The following MALRD1 variants were observed in gnomAD, a reference collection of about 807,000 sequenced individuals.
MALRD1 encodes the protein MAM and LDL receptor class A domain containing 1, also known as MAM and LDL-receptor class A domain-containing protein 1.
MALRD1 carries 247 observed loss-of-function variants against 242.1 expected under a neutral mutation model. The ratio of observed to expected loss-of-function variants is 1.02; its 90% CI spans 0.92 to 1.13. The LOEUF (loss-of-function observed/expected upper bound fraction) is 1.13. Among genes scored for constraint, MALRD1 ranks in the 50% most tolerant of loss-of-function variants. The pLI is 0.00. For missense variants in MALRD1, 2,989 were observed against 2,533.1 expected (o/e 1.18, Z -3.86); for synonymous variants, 995 against 866.6 (o/e 1.15, Z -2.60).
chr10:19,140,813 G>A (rs1410259228), intron 10 of MALRD1, among the ~76,000 whole-genome samples: 2 of 152,094 alleles, frequency 1.3e-5, no homozygotes, highest in East Asian at 1.9e-4. Flanking sequence ...GGAGGTATTG[G>A]TCAAAAGATA....
chr10:19,425,356 G>A lies in MALRD1; in HGVS notation c.4846-24951G>A, dbSNP rs78641911. Reference sequence around the variant, plus strand: ...TTCATCATCAGTGAGTCAGCCCTGTGGAAAAAATGGTCTCCAGTGACTATT... The same window carrying A: ...TTCATCATCAGTGAGTCAGCCCTGTAGAAAAAATGGTCTCCAGTGACTATT... On this transcript the variant is annotated intron_variant, in intron 28 of 39. Coordinates refer to ENST00000454679, the MANE Select transcript of MALRD1 (RefSeq NM_001142308.3). Among the ~76,000 whole-genome samples the A allele has an allele frequency of 8.3e-3, 1,263 of 152,154 alleles. 21 individuals carry two copies. The highest frequency in any genetic ancestry group is 0.029 in the African/African-American group (1,213 of 41,512).
intron 32 of MALRD1, among the ~76,000 whole-genome samples, chr10:19,566,282 C>A (rs1253291178): frequency 6.6e-6 from 1 of 150,670 alleles, no homozygotes; most frequent in Non-Finnish European, 1.5e-5. Context: ...CGGGCACCTG[C>A]CACCATGCCT....
intron 26 of MALRD1, among the ~76,000 whole-genome samples, chr10:19,357,235 T>C (rs960740912): frequency 1.3e-5 from 2 of 152,146 alleles, no homozygotes; most frequent in Admixed American, 1.3e-4. Flanking sequence ...TTTTACCCAA[T>C]GTATCTGAAA....
Position 19,313,469 on chromosome 10 carries a change from C to A in MALRD1, c.3420-10480C>A, listed in dbSNP as rs143925486. Among the ~76,000 whole-genome samples the A allele has an allele frequency of 1.8e-3, 268 of 151,244 alleles. 1 individual carries two copies. The highest frequency in any genetic ancestry group is 6.2e-3 in the African/African-American group (257 of 41,382). On this transcript the variant is annotated intron_variant, in intron 21 of 39. Coordinates refer to ENST00000454679, the MANE Select transcript of MALRD1 (RefSeq NM_001142308.3). Reference sequence around the variant, plus strand: ...AAAGATGATATTTACTTTTGTGAGACTTTTTTCCCCAAAATAGCTAGAATA... The same window carrying A: ...AAAGATGATATTTACTTTTGTGAGAATTTTTTCCCCAAAATAGCTAGAATA...
intron 26 of MALRD1, among the ~76,000 whole-genome samples, chr10:19,378,501 G>A (rs942099024): frequency 1.3e-5 from 2 of 152,152 alleles, no homozygotes; most frequent in African/African-American, 4.8e-5. Flanking sequence ...CAGGGCCTGT[G>A]ATCAATCAGT....
chr10:19,694,564 C>T (rs543078003), intron 38 of MALRD1, among the ~76,000 whole-genome samples: 1 of 152,262 alleles, frequency 6.6e-6, no homozygotes, highest in Non-Finnish European at 1.5e-5. Context: ...ATTAAAAAGT[C>T]AGGAAACAGC....
intron 14 of MALRD1, among the ~76,000 whole-genome samples, chr10:19,196,591 T>C (rs1836268365): frequency 6.6e-6 from 1 of 151,924 alleles, no homozygotes; most frequent in African/African-American, 2.4e-5. Context: ...CTTAGATAAT[T>C]TTCTAATTTA....
At chr10:19,141,105 A>G (rs1478122708) in intron 10 of MALRD1, among the ~76,000 whole-genome samples, 1 of 152,208 alleles carries the variant, frequency 6.6e-6, no homozygotes, top group Non-Finnish European at 1.5e-5. Flanking sequence ...ATTAATACAT[A>G]TATATGCAAT....
At chr10:19,571,505 G>A (rs980057882) in intron 33 of MALRD1, among the ~76,000 whole-genome samples, 5 of 151,992 alleles carry the variant, frequency 3.3e-5, no homozygotes, top group Admixed American at 2.6e-4. Context: ...TCTTTTTCAC[G>A]TAAAATTTAA....
In MALRD1 at chr10:19,452,706, GT is replaced by G. The variant is rs564816195; in HGVS notation, c.5029+2217del. Among the ~76,000 whole-genome samples the G allele has an allele frequency of 2.3e-3, 349 of 152,346 alleles. 1 individual carries two copies. Among genetic ancestry groups the G allele is most frequent in the African/African-American group, 8.1e-3 (337 of 41,586 alleles). ...TTTATGCAGGTGAAATATCAGGTCT[GT>G]GTAACATGGATGATCAGAAGGAGCT... On this transcript the variant is annotated intron_variant, in intron 29 of 39. Coordinates refer to ENST00000454679, the MANE Select transcript of MALRD1 (RefSeq NM_001142308.3).
intron 14 of MALRD1, among the ~76,000 whole-genome samples, chr10:19,179,878 C>T (rs928817075): frequency 1.3e-5 from 2 of 152,058 alleles, no homozygotes; most frequent in Non-Finnish European, 2.9e-5. Flanking sequence ...CTTTAAGAGT[C>T]TCCTTTCAGT....
At chr10:19,131,101 T>C (rs1328613397) in intron 8 of MALRD1, among the ~76,000 whole-genome samples, 1 of 152,154 alleles carries the variant, frequency 6.6e-6, no homozygotes, top group African/African-American at 2.4e-5. Flanking sequence ...TGTTGCTCGC[T>C]GATGCAAAAT....
intron 28 of MALRD1, among the ~76,000 whole-genome samples, chr10:19,390,325 C>T (rs1169587821): frequency 2.0e-5 from 3 of 152,172 alleles, no homozygotes; most frequent in South Asian, 4.1e-4. Context: ...TGGTTCTAAG[C>T]ACACTGTGCA....
intron 35 of MALRD1, among the ~76,000 whole-genome samples, chr10:19,611,181 T>A (rs1451411230): frequency 2.0e-5 from 3 of 151,954 alleles, no homozygotes; most frequent in African/African-American, 4.8e-5. Context: ...TCATACATAT[T>A]TCTACATGAA....
chr10:19,578,423 G>T (rs997694588), intron 33 of MALRD1, among the ~76,000 whole-genome samples: 1 of 152,272 alleles, frequency 6.6e-6, no homozygotes, highest in Middle Eastern at 3.4e-3. Context: ...CAGGTACAGT[G>T]GCTCATGCCT....
intron 36 of MALRD1, among the ~76,000 whole-genome samples, chr10:19,654,537 T>C (rs1311926852): frequency 1.3e-5 from 2 of 152,196 alleles, no homozygotes; most frequent in Admixed American, 6.5e-5. Context: ...TTGCTTGTTC[T>C]GACTATATTT....
intron 18 of MALRD1, among the ~76,000 whole-genome samples, chr10:19,212,769 C>T (rs2358357): frequency 0.74 from 111,884 of 152,036 alleles, 41,418 homozygotes; most frequent in South Asian, 0.84. Context: ...TTATCAGTCA[C>T]GCTAATCTTA....
At chr10:19,369,176 CTAATATATT>C (rs1382511180) in intron 26 of MALRD1, among the ~76,000 whole-genome samples, 2 of 86,854 alleles carry the variant, frequency 2.3e-5, no homozygotes, top group Non-Finnish European at 4.7e-5. Context: ...TATATATAAA[CTAATATATT>C]ATATATAAGC....
intron 29 of MALRD1, among the ~76,000 whole-genome samples, chr10:19,467,364 G>A (rs1454030104): frequency 2.1e-5 from 2 of 96,526 alleles, no homozygotes; most frequent in African/African-American, 6.3e-5. Context: ...CTGCACTCCA[G>A]CCTGGGCAAC....
Sources: allele counts gnomAD v4.1 joint callset (sites outside exome capture counted in the v4.1 genomes callset), GRCh38; gene constraint gnomAD v4.1.1; transcripts MANE v1.5; gene names NCBI Gene and HGNC (gene_info 2026-07-23, HGNC 2026-07-21).